The following PCDHA4 variants were observed in gnomAD, a reference collection of about 807,000 sequenced individuals.
PCDHA4 encodes the protein protocadherin alpha-4.
A neutral mutation model predicts 61.4 loss-of-function variants in PCDHA4; 49 were observed. The ratio of observed to expected loss-of-function variants is 0.80; its 90% confidence interval spans 0.63 to 1.01. The LOEUF is 1.01. PCDHA4 is among the 50% of genes least tolerant of loss of function. The probability of loss-of-function intolerance (pLI) is 0.00; values close to 1 mark genes in which losing one functional copy is unlikely to be tolerated. For missense variants in PCDHA4, 1,254 were observed against 1,235.8 expected (o/e 1.01, Z -0.22); for synonymous variants, 590 against 550.3 (o/e 1.07, Z -1.01).
In PCDHA4 at chr5:140,982,464, T is replaced by C; in HGVS notation, c.2445-11T>C. 6.2e-7 allele frequency: 1 copy of C among 1,614,112 alleles called. No individual in the cohort carries two copies. Among genetic ancestry groups the C allele is most frequent in the Non-Finnish European group, 8.5e-7 (1 of 1,180,010 alleles). ...GATCTAACCGTTATCTGGGTCTGTG[T>C]GTTTATTCAGCTCTGTGCACCTAGA... On this transcript the variant is annotated splice_polypyrimidine_tract_variant and intron_variant, in intron 2 of 3. Coordinates refer to ENST00000530339, the MANE Select transcript of PCDHA4 (RefSeq NM_018907.4).
intron 1 of PCDHA4, chr5:140,841,348 G>A: frequency 6.2e-7 from 1 of 1,612,736 alleles, no homozygotes; most frequent in Non-Finnish European, 8.5e-7. Context: ...GAGGAGAGCT[G>A]GGATCCTGGC....
chr5:140,998,826 AGTGCTGGATTACTG>A (rs1301277298), intron 3 of PCDHA4, among the ~76,000 whole-genome samples: 1 of 152,240 alleles, frequency 6.6e-6, no homozygotes, highest in Non-Finnish European at 1.5e-5. Flanking sequence ...GGCCTCCCAA[AGTGCTGGATTACTG>A]GTGTGAGCCA....
chr5:140,861,303 G>A (rs1290097316), intron 1 of PCDHA4: 2 of 189,476 alleles, frequency 1.1e-5, no homozygotes, highest in Non-Finnish European at 2.2e-5. Context: ...TGTGAAGCGG[G>A]AAAGGACCAG....
chr5:140,818,472 A>T (rs1030442669), intron 1 of PCDHA4, among the ~76,000 whole-genome samples: 3 of 152,188 alleles, frequency 2.0e-5, no homozygotes, highest in African/African-American at 7.2e-5. Flanking sequence ...TCCTCCCACA[A>T]AGTTTTCACT....
intron 1 of PCDHA4, among the ~76,000 whole-genome samples, chr5:140,917,333 G>C (rs1301739777): frequency 6.7e-5 from 10 of 148,748 alleles, no homozygotes; most frequent in East Asian, 2.0e-4. Flanking sequence ...GCGGGGGAGG[G>C]GGGGGATGGT....
chr5:140,917,329 G>T lies in PCDHA4; in HGVS notation c.2386-61620G>T, dbSNP rs543216216. Among the ~76,000 whole-genome samples the T allele has an allele frequency of 4.9e-5, 7 of 143,930 alleles. 1 individual carries two copies. The highest frequency in any genetic ancestry group is 1.6e-4 in the African/African-American group (6 of 37,952). The allele number at this position is 143,930 out of a possible 152,430, so 94.4% of individuals were successfully genotyped here. A position where few individuals can be genotyped will look rare whatever the true frequency, so the allele number is the denominator to read the frequency against. ...ACAATTTGGTGTTCATGTGGCGGGG[G>T]AGGGGGGGGATGGTGTAGGCTTCTG... On this transcript the variant is annotated intron_variant, in intron 1 of 3. Coordinates refer to ENST00000530339, the MANE Select transcript of PCDHA4 (RefSeq NM_018907.4).
At chr5:140,968,446 C>T in intron 1 of PCDHA4, 1 of 1,614,046 alleles carries the variant, frequency 6.2e-7, no homozygotes, top group Non-Finnish European at 8.5e-7. Context: ...CACCACTGAG[C>T]AGCACTGTGA....
chr5:140,921,228 T>G (rs1401455945), intron 1 of PCDHA4, among the ~76,000 whole-genome samples: 11 of 152,154 alleles, frequency 7.2e-5, no homozygotes, highest in African/African-American at 2.7e-4. Context: ...TTTTGCTAGA[T>G]GATATTAAGC....
At chr5:140,809,706 G>A in intron 1 of PCDHA4, 134 bp downstream of exon 1, 1 of 1,097,712 alleles carries the variant, frequency 9.1e-7, no homozygotes, top group Non-Finnish European at 1.3e-6. Flanking sequence ...TTTAACTAAA[G>A]TCTTTTGGAA....
At chr5:140,908,706 T>C (rs2074108716) in intron 1 of PCDHA4, among the ~76,000 whole-genome samples, 1 of 152,132 alleles carries the variant, frequency 6.6e-6, no homozygotes, top group South Asian at 2.1e-4. Context: ...TCAAGCACCA[T>C]TGGATCTGCT....
At chr5:140,974,931 A>G (rs555720345) in intron 1 of PCDHA4, among the ~76,000 whole-genome samples, 1 of 152,324 alleles carries the variant, frequency 6.6e-6, no homozygotes, top group African/African-American at 2.4e-5. Context: ...TGTTTAAAAC[A>G]CCACCTATTT....
intron 1 of PCDHA4, chr5:140,810,078 A>G (rs998487712): frequency 6.5e-6 from 1 of 153,876 alleles, no homozygotes; most frequent in Non-Finnish European, 1.4e-5. Flanking sequence ...AACGTTATCT[A>G]ATTGGACTTG....
intron 1 of PCDHA4, chr5:140,849,719 G>A (rs1386986772): frequency 6.3e-7 from 1 of 1,598,560 alleles, no homozygotes; most frequent in Non-Finnish European, 8.6e-7. Flanking sequence ...ACTCGTTGGT[G>A]CTGGACAGAG....
chr5:140,993,463 CACA>C (rs1563592017), intron 3 of PCDHA4, among the ~76,000 whole-genome samples: 29 of 7,582 alleles, frequency 3.8e-3, no homozygotes, highest in African/African-American at 0.016. Flanking sequence ...CTTTCTTTCT[CACA>C]CACACACACA....
intron 1 of PCDHA4, chr5:140,883,531 T>C (rs782406173): frequency 6.8e-6 from 11 of 1,614,092 alleles, no homozygotes; most frequent in Middle Eastern, 1.6e-4. Flanking sequence ...TATCAGCCTA[T>C]GAACTGGTGG....
intron 1 of PCDHA4, chr5:140,876,193 G>A: frequency 6.2e-7 from 1 of 1,613,950 alleles, no homozygotes; most frequent in Non-Finnish European, 8.5e-7. Flanking sequence ...CAATGGTCCG[G>A]CGTTTGATAA....
chr5:141,002,399 T>C (rs1352771753), intron 3 of PCDHA4, among the ~76,000 whole-genome samples: 1 of 152,236 alleles, frequency 6.6e-6, no homozygotes, highest in African/African-American at 2.4e-5. Context: ...GGCATCTCTG[T>C]GCCTCCCAAA....
chr5:140,937,544 G>A (rs1584916814), intron 1 of PCDHA4, among the ~76,000 whole-genome samples: 1 of 151,510 alleles, frequency 6.6e-6, no homozygotes, highest in South Asian at 2.1e-4. Flanking sequence ...TTGAACCTGC[G>A]AGGCAGAGGT....
At chr5:140,830,205 G>C (rs1770893475) in intron 1 of PCDHA4, 1 of 1,613,662 alleles carries the variant, frequency 6.2e-7, no homozygotes, top group Non-Finnish European at 8.5e-7. Flanking sequence ...ATCGCCATCT[G>C]CGCGGTATCC....
Sources: allele counts gnomAD v4.1 joint callset (sites outside exome capture counted in the v4.1 genomes callset), GRCh38; gene constraint gnomAD v4.1.1; transcripts MANE v1.5; gene names NCBI Gene and HGNC (gene_info 2026-07-23, HGNC 2026-07-21).